Variants in SLC24A2 observed in about 807,000 individuals in gnomAD.
SLC24A2 encodes solute carrier family 24 member 2.
In SLC24A2, 36 loss-of-function variants were observed where a neutral mutation model predicts 62.0. The ratio of observed to expected loss-of-function variants is 0.58; its 90% CI spans 0.44 to 0.77. The LOEUF is 0.77. SLC24A2 is among the 30% of genes least tolerant of loss of function. The pLI is 0.00. For synonymous variants in SLC24A2, 358 were observed against 294.0 expected (o/e 1.22, Z -2.23); for missense variants, 846 against 817.9 (o/e 1.03, Z -0.42).
the SLC24A2 span, among the ~76,000 whole-genome samples, chr9:20,149,023 C>T: frequency 6.6e-6 from 1 of 152,038 alleles, no homozygotes; most frequent in Non-Finnish European, 1.5e-5. Flanking sequence ...ATCTTTCCTT[C>T]CTTTTTAATG....
the SLC24A2 span, among the ~76,000 whole-genome samples, chr9:20,136,110 C>A: frequency 6.6e-6 from 1 of 152,052 alleles, no homozygotes; most frequent in Admixed American, 6.6e-5. Flanking sequence ...GTAAACCCCA[C>A]GACAGAAGCC....
the SLC24A2 span, among the ~76,000 whole-genome samples, chr9:20,243,585 GAC>G: frequency 6.6e-6 from 1 of 151,908 alleles, no homozygotes; most frequent in African/African-American, 2.4e-5. Context: ...TACACATACA[GAC>G]ACACACACTT....
At chr9:19,691,543 G>T (rs1370085264) in intron 2 of SLC24A2, among the ~76,000 whole-genome samples, 2 of 152,098 alleles carry the variant, frequency 1.3e-5, no homozygotes, top group East Asian at 1.9e-4. Context: ...CTATCTCTGC[G>T]ATTATTAACC....
the SLC24A2 span, among the ~76,000 whole-genome samples, chr9:20,086,487 T>C: frequency 1.3e-5 from 2 of 152,216 alleles, no homozygotes; most frequent in Admixed American, 1.3e-4. Flanking sequence ...CTTGTTATAG[T>C]GGCCTTTGCT....
intron 2 of SLC24A2, among the ~76,000 whole-genome samples, chr9:19,744,240 T>C (rs1486391895): frequency 6.6e-6 from 1 of 152,196 alleles, no homozygotes; most frequent in African/African-American, 2.4e-5. Context: ...TACTGCTTCC[T>C]TGACTTCTAT....
chr9:20,039,885 T>A, the SLC24A2 span, among the ~76,000 whole-genome samples: 1 of 152,212 alleles, frequency 6.6e-6, no homozygotes, highest in African/African-American at 2.4e-5. Flanking sequence ...TAATATTCCT[T>A]CATTTATTCA....
intron 2 of SLC24A2, among the ~76,000 whole-genome samples, chr9:19,702,583 G>C (rs1349646862): frequency 6.6e-6 from 1 of 152,174 alleles, no homozygotes; most frequent in Non-Finnish European, 1.5e-5. Context: ...TCTTTCAGTA[G>C]TTTACATAAT....
chr9:20,068,646 T>C, the SLC24A2 span, among the ~76,000 whole-genome samples: 2 of 152,150 alleles, frequency 1.3e-5, no homozygotes, highest in Non-Finnish European at 2.9e-5. Context: ...TTCAGTGGTA[T>C]TCCCTGGGAG....
chr9:20,226,894 A>G, the SLC24A2 span, among the ~76,000 whole-genome samples: 1 of 152,198 alleles, frequency 6.6e-6, no homozygotes, highest in African/African-American at 2.4e-5. Context: ...GGCTCTGACT[A>G]TCATTAGGGA....
chr9:20,264,030 G>A, the SLC24A2 span, among the ~76,000 whole-genome samples: 7 of 152,110 alleles, frequency 4.6e-5, no homozygotes, highest in Non-Finnish European at 4.4e-5. Context: ...CTTGACAAGA[G>A]AGACCCAATG....
At chr9:19,736,538 T>C (rs1430763782) in intron 2 of SLC24A2, among the ~76,000 whole-genome samples, 2 of 152,066 alleles carry the variant, frequency 1.3e-5, no homozygotes, top group Non-Finnish European at 2.9e-5. Context: ...GCCATAAGAA[T>C]TTCTAGAAAT....
the SLC24A2 span, among the ~76,000 whole-genome samples, chr9:19,908,144 C>T: frequency 3.3e-5 from 5 of 152,142 alleles, no homozygotes; most frequent in African/African-American, 4.8e-5. Flanking sequence ...GAGATATAGA[C>T]CAATGGAGCA....
chr9:19,750,174 T>G (rs1185995055), intron 2 of SLC24A2, among the ~76,000 whole-genome samples: 1 of 152,168 alleles, frequency 6.6e-6, no homozygotes, highest in Non-Finnish European at 1.5e-5. Context: ...GAAGATAATG[T>G]TTTAACTGAG....
the SLC24A2 span, among the ~76,000 whole-genome samples, chr9:19,941,446 G>C: frequency 6.6e-6 from 1 of 151,996 alleles, no homozygotes. Context: ...TTTAGTAATT[G>C]AGTTAATATA....
At chr9:20,126,890 T>A in the SLC24A2 span, among the ~76,000 whole-genome samples, 7 of 152,110 alleles carry the variant, frequency 4.6e-5, 1 homozygote, top group African/African-American at 1.7e-4. Context: ...GTATATCATA[T>A]TTTTAGGAAG....
chr9:19,517,023 ATGTG>A (rs773249223), intron 10 of SLC24A2, among the ~76,000 whole-genome samples: 2 of 152,136 alleles, frequency 1.3e-5, no homozygotes, highest in African/African-American at 2.4e-5. Context: ...TACATTTGTG[ATGTG>A]TGTGTTTTTC....
chr9:19,653,604 T>C (rs923764408), intron 2 of SLC24A2, among the ~76,000 whole-genome samples: 38 of 152,224 alleles, frequency 2.5e-4, no homozygotes, highest in African/African-American at 9.2e-4. Flanking sequence ...ACAAGCTTGA[T>C]ATAAAATATC....
At chr9:19,562,600 G>A (rs916779057) in intron 7 of SLC24A2, among the ~76,000 whole-genome samples, 1 of 152,036 alleles carries the variant, frequency 6.6e-6, no homozygotes, top group Non-Finnish European at 1.5e-5. Flanking sequence ...TCACATACAG[G>A]AACTGGACCC....
intron 2 of SLC24A2, among the ~76,000 whole-genome samples, chr9:19,727,263 A>G (rs1220503082): frequency 1.3e-5 from 2 of 152,234 alleles, no homozygotes; most frequent in African/African-American, 2.4e-5. Context: ...GGATCTGTAT[A>G]CAGTGATATT....
Sources: gnomAD v4.1 joint callset for allele counts (sites outside exome capture counted in the v4.1 genomes callset) on GRCh38, gnomAD v4.1.1 for gene constraint, MANE v1.5 for transcripts, NCBI Gene and HGNC (gene_info 2026-07-23, HGNC 2026-07-21) for gene names.